The following PDGFRB variants were observed in gnomAD, a reference collection of about 807,000 sequenced individuals.
The protein encoded by PDGFRB is platelet-derived growth factor receptor beta.
In PDGFRB, 42 loss-of-function variants were observed where a neutral mutation model predicts 120.2. The observed-to-expected ratio is 0.35, with a 90% confidence interval of 0.27 to 0.45. The LOEUF (loss-of-function observed/expected upper bound fraction) is 0.45, where lower values mean the gene tolerates loss of function less well. PDGFRB is among the 20% of genes least tolerant of loss of function. PDGFRB has a pLI of 1.00. For synonymous variants in PDGFRB, 586 were observed against 606.8 expected, an observed-to-expected ratio of 0.97 and a Z score of 0.50; for missense variants, 1,149 against 1,476.3, an observed-to-expected ratio of 0.78 and a Z score of 3.63.
At chr5:150,123,279 C>G in intron 14 of PDGFRB, 78 bp from the exon 15 acceptor site, 1 of 1,149,862 alleles carries the variant, frequency 8.7e-7, no homozygotes, top group South Asian at 1.3e-5. Context: ...TAATCAGGGG[C>G]TGGATGTGGG....
At chr5:150,119,622 G>A (rs1375948250) in intron 19 of PDGFRB, 56 bp from the exon 20 acceptor site, 1 of 1,046,902 alleles carries the variant, frequency 9.6e-7, no homozygotes, top group Non-Finnish European at 1.5e-6. Context: ...AAGTGGCAGG[G>A]CACCCTCTTC....
Position 150,144,334 on chromosome 5 carries a change from GC to G in PDGFRB, c.-6-7282del, listed in dbSNP as rs577087414. 8.5e-5 allele frequency among the ~76,000 whole-genome samples: 13 copies of G among 152,198 alleles called. No individual in the cohort carries two copies. The South Asian group carries it at 2.7e-3, about 32-fold the overall frequency. On this transcript the variant is annotated intron_variant, in intron 1 of 22. Transcript: ENST00000261799. ...CTGCCCAGCCTTTCAGAATCTTCCG[GC>G]CCGGCCCTGACAGCTCCCTCACAAC...
At chr5:150,148,780 C>T (rs1368364705) in intron 1 of PDGFRB, among the ~76,000 whole-genome samples, 4 of 152,360 alleles carry the variant, frequency 2.6e-5, no homozygotes, top group African/African-American at 9.6e-5. Context: ...TATGATTACT[C>T]CAGTGGGGAG....
intron 12 of PDGFRB, among the ~76,000 whole-genome samples, chr5:150,125,207 T>G (rs1247785188): frequency 6.6e-6 from 1 of 152,086 alleles, no homozygotes; most frequent in East Asian, 1.9e-4. Context: ...TCCTTCCACT[T>G]TTGCCACATA....
chr5:150,142,482 A>G (rs1318702418), intron 1 of PDGFRB, among the ~76,000 whole-genome samples: 1 of 151,296 alleles, frequency 6.6e-6, no homozygotes, highest in Non-Finnish European at 1.5e-5. Flanking sequence ...TGAGCCACAG[A>G]CTCCAGTCTC....
chr5:150,116,563 C>T (rs959632006), intron 22 of PDGFRB, among the ~76,000 whole-genome samples: 4 of 151,706 alleles, frequency 2.6e-5, no homozygotes, highest in African/African-American at 4.8e-5. Flanking sequence ...GAGCCGAGAT[C>T]GCGCCATTGC....
chr5:150,121,165 C>A lies in PDGFRB; in HGVS notation c.2463+39G>T. 7.6e-7 allele frequency: 1 copy of A among 1,312,364 alleles called. No individual in the cohort carries two copies. Among genetic ancestry groups the A allele is most frequent in the South Asian group, 1.2e-5 (1 of 85,072 alleles). The allele number at this position is 1,312,364 out of a possible 1,614,324, so 81.3% of individuals were successfully genotyped here. A position where few individuals can be genotyped will look rare whatever the true frequency, so the allele number is the denominator to read the frequency against. On this transcript the variant is annotated intron_variant, in intron 17 of 22. Transcript: ENST00000261799. This position sits in a 1 kb window ranked among gnomAD's most constrained non-coding sequence, Gnocchi z 4.1. ...GCTGGCTGGCTGGGTGACCCACCTC[C>A]CCACAGCCCCCACTCTGCCCCACCA...
intron 1 of PDGFRB, among the ~76,000 whole-genome samples, chr5:150,140,631 CA>C (rs1364444330): frequency 6.6e-6 from 1 of 151,894 alleles, no homozygotes; most frequent in Non-Finnish European, 1.5e-5. Context: ...ACCCCAAGTT[CA>C]GGGGAGAGGA....
At chr5:150,147,112 T>G (rs1320532645) in intron 1 of PDGFRB, among the ~76,000 whole-genome samples, 15 of 152,168 alleles carry the variant, frequency 9.9e-5, no homozygotes, top group Admixed American at 9.8e-4. Flanking sequence ...CCCAGGTGTG[T>G]GGCCGGCTCT....
In PDGFRB at chr5:150,120,676, C is replaced by T. The variant is rs1024586668; in HGVS notation, c.2586+212G>A. 3.3e-5 allele frequency among the ~76,000 whole-genome samples: 5 copies of T among 152,176 alleles called. No homozygotes were observed. Among genetic ancestry groups the T allele is most frequent in the Non-Finnish European group, 7.4e-5 (5 of 68,024 alleles). ...ACCCATTATAGCCAGCCCTCCCCGC[C>T]GCTATACTTGCTCCATGCACTCCTG... is the stretch of plus-strand genomic sequence containing the variant. On this transcript the variant is annotated intron_variant, in intron 18 of 22. Coordinates refer to ENST00000261799, the MANE Select transcript of PDGFRB (RefSeq NM_002609.4). This position sits in a 1 kb window ranked among gnomAD's most constrained non-coding sequence, Gnocchi z 4.3.
chr5:150,119,975 C>T (rs1205396733), intron 19 of PDGFRB, 37 bp downstream of exon 19: 5 of 1,043,478 alleles, frequency 4.8e-6, no homozygotes, highest in Middle Eastern at 2.0e-4. Context: ...AGACACCAGG[C>T]CAGGATGCTG....
intron 10 of PDGFRB, among the ~76,000 whole-genome samples, chr5:150,128,695 C>T (rs1235511676): frequency 1.3e-5 from 2 of 152,204 alleles, no homozygotes; most frequent in Non-Finnish European, 2.9e-5. Flanking sequence ...CAGGTTTTCA[C>T]CTAAAGGTTC....
intron 1 of PDGFRB, among the ~76,000 whole-genome samples, chr5:150,149,097 T>C (rs376794461): frequency 6.6e-6 from 1 of 152,140 alleles, no homozygotes; most frequent in Non-Finnish European, 1.5e-5. Context: ...TTGATAGTGA[T>C]GGCGGGTAGT....
Position 150,133,761 on chromosome 5 carries a change from C to T in PDGFRB, c.760-1G>A, listed in dbSNP as rs2113908790. ...TCACCGGCTCCACCAGCCGCCCACT[C>T]TGCAGCAACAGGTTGGGCAGGCCCC... On this transcript the variant is annotated splice_acceptor_variant, in intron 5 of 22. Transcript: ENST00000261799. LOFTEE classifies it high-confidence loss of function. 1.2e-6 allele frequency: 2 copies of T among 1,614,018 alleles called. No individual in the cohort carries two copies. Among genetic ancestry groups the T allele is most frequent in the African/African-American group, 1.3e-5 (1 of 75,044 alleles).
At chr5:150,138,500 A>G (rs572289228) in intron 1 of PDGFRB, among the ~76,000 whole-genome samples, 1 of 152,308 alleles carries the variant, frequency 6.6e-6, no homozygotes, top group South Asian at 2.1e-4. Flanking sequence ...TGGACCCCCA[A>G]TCTTAGCTCT....
chr5:150,148,483 G>C (rs993618091), intron 1 of PDGFRB, among the ~76,000 whole-genome samples: 1 of 152,242 alleles, frequency 6.6e-6, no homozygotes, highest in African/African-American at 2.4e-5. Context: ...ATGGAGATGA[G>C]CTGGTGAGGG....
chr5:150,130,754 T>G, intron 8 of PDGFRB, 92 bp from the exon 9 acceptor site: 5 of 1,111,040 alleles, frequency 4.5e-6, no homozygotes, highest in South Asian at 1.3e-5. Context: ...AGAGACTCTC[T>G]TGGGGGAGGA....
Position 150,132,938 on chromosome 5 carries a change from G to A in PDGFRB, c.939C>T (p.Ser313=), listed in dbSNP as rs1425452203. The A allele has an allele frequency of 4.5e-6, 7 of 1,557,016 alleles. No homozygotes were observed. Among genetic ancestry groups the A allele is most frequent in the African/African-American group, 1.4e-5 (1 of 73,630 alleles). Residue 313 remains serine (S), a synonymous_variant, in exon 7 of 23, where the codon AGC becomes AGT. Coordinates refer to ENST00000261799, the MANE Select transcript of PDGFRB (RefSeq NM_002609.4). This position sits in a 1 kb window ranked among gnomAD's most constrained non-coding sequence, Gnocchi z 5.0. ...CCTCTCCCAGGAGCCGCACGTAGCC[G>A]CTCTCTGCAAGGGGTGACCGTCAGG... ...EKAINITVVE[S]GYVRLLGEVG... is the part of the protein sequence containing the mutation.
intron 1 of PDGFRB, among the ~76,000 whole-genome samples, chr5:150,144,794 T>C (rs1054865796): frequency 5.9e-5 from 9 of 152,096 alleles, no homozygotes; most frequent in African/African-American, 1.9e-4. Flanking sequence ...TGCACACCCC[T>C]GCCCACCGGC....
Sources: gnomAD v4.1 joint callset for allele counts (sites outside exome capture counted in the v4.1 genomes callset) on GRCh38, gnomAD v4.1.1 for gene constraint, Gnocchi (gnomAD v3.1) non-coding constraint, MANE v1.5 for transcripts, NCBI Gene and HGNC (gene_info 2026-07-23, HGNC 2026-07-21) for gene names.